The following POLA1 variants were observed in gnomAD, a reference collection of about 807,000 sequenced individuals.
POLA1 encodes the protein DNA polymerase alpha catalytic subunit.
POLA1 carries 15 observed loss-of-function variants against 124.0 expected under a neutral mutation model. The observed-to-expected ratio is 0.12, with a 90% CI of 0.08 to 0.19. POLA1 has a LOEUF of 0.19. POLA1 is among the 10% of genes least tolerant of loss of function. POLA1 has a pLI of 1.00. For synonymous variants in POLA1, 408 were observed against 389.4 expected, an observed-to-expected ratio of 1.05 and a Z score of -0.56; for missense variants, 886 against 1,103.4, an observed-to-expected ratio of 0.80 and a Z score of 2.79.
At chrX:24,981,021 C>T (rs1288171204) in intron 36 of POLA1, among the ~76,000 whole-genome samples, 1 of 111,988 alleles carries the variant, frequency 8.9e-6, no homozygotes, top group East Asian at 2.8e-4. Flanking sequence ...TTACTGTTAC[C>T]AGGGTCTTGC....
In POLA1 at chrX:24,992,215, G is replaced by A. The variant is rs766041452; in HGVS notation, c.4262-3590G>A. ...TCGGATGGCTCTACGTGTAGAGAGC[G>A]TAGAGGGGTGCAGTTTTCTTTCAAA... On this transcript the variant is annotated intron_variant, in intron 36 of 36. Transcript: ENST00000379068. Among the ~76,000 whole-genome samples, 10 of 111,341 alleles carry A rather than the reference G, an allele frequency of 9.0e-5. No individual in the cohort carries two copies. The South Asian group carries it at 1.2e-3, about 13-fold the overall frequency.
chrX:24,723,380 A>G (rs1930325931), intron 11 of POLA1, 113 bp downstream of exon 11: 1 of 492,547 alleles, frequency 2.0e-6, no homozygotes, highest in Non-Finnish European at 3.6e-6. Context: ...TACAATCCTG[A>G]TGCTTCTTTC....
intron 35 of POLA1, among the ~76,000 whole-genome samples, chrX:24,900,267 G>A (rs765855177): frequency 8.9e-6 from 1 of 112,068 alleles, no homozygotes; most frequent in South Asian, 3.7e-4. Context: ...ATTAAAAATA[G>A]CAAAACCACA....
chrX:24,829,141 A>G (rs946665030), intron 32 of POLA1, among the ~76,000 whole-genome samples: 9 of 110,823 alleles, frequency 8.1e-5, no homozygotes, highest in Admixed American at 6.7e-4. Context: ...TCCCACCCAT[A>G]TACCCATCAC....
chrX:24,829,424 C>T (rs1355375044), intron 32 of POLA1, among the ~76,000 whole-genome samples: 1 of 111,597 alleles, frequency 9.0e-6, no homozygotes, highest in Non-Finnish European at 1.9e-5. Context: ...TCTCATCCTA[C>T]CCTGTGCCTG....
At chrX:24,773,105 C>G (rs1259691079) in intron 26 of POLA1, among the ~76,000 whole-genome samples, 1 of 112,141 alleles carries the variant, frequency 8.9e-6, no homozygotes, top group African/African-American at 3.2e-5. Context: ...TTTGTTTTTC[C>G]ACCTTTGATA....
rs748314693 is a variant in POLA1 at position 24,843,688 on chromosome X, A to G, written c.4047+11A>G. Reference sequence around the variant, plus strand: ...AAAAAGTACTATGATGTAAGTATCCATAATGATATTCTTACATACACAACT... The same window carrying G: ...AAAAAGTACTATGATGTAAGTATCCGTAATGATATTCTTACATACACAACT... On this transcript the variant is annotated intron_variant, in intron 34 of 36. Transcript: ENST00000379068. 4.1e-5 allele frequency: 45 copies of G among 1,105,861 alleles called. 1 individual carries two copies. The South Asian group carries it at 7.8e-4, about 19-fold the overall frequency. The allele number at this position is 1,105,861 out of a possible 1,213,427, so 91.1% of individuals were successfully genotyped here.
chrX:24,982,733 A>G (rs948265462), intron 36 of POLA1, among the ~76,000 whole-genome samples: 2 of 109,914 alleles, frequency 1.8e-5, no homozygotes, highest in Non-Finnish European at 3.8e-5. Flanking sequence ...TCTTCTCTCC[A>G]TCTCAAGTCC....
chrX:24,772,682 G>A (rs2047871435), intron 26 of POLA1, among the ~76,000 whole-genome samples: 2 of 111,110 alleles, frequency 1.8e-5, no homozygotes. Flanking sequence ...TAGGGATAAT[G>A]GCCTCCAGCT....
intron 34 of POLA1, among the ~76,000 whole-genome samples, chrX:24,873,050 G>C (rs1381608523): frequency 9.0e-6 from 1 of 110,896 alleles, no homozygotes; most frequent in Non-Finnish European, 1.9e-5. Context: ...TCATCACCCA[G>C]AGTCCATAGT....
At chrX:24,987,704 G>T (rs1363788091) in intron 36 of POLA1, among the ~76,000 whole-genome samples, 1 of 111,553 alleles carries the variant, frequency 9.0e-6, no homozygotes, top group African/African-American at 3.3e-5. Flanking sequence ...TTCCCTACCC[G>T]CAAACAAATA....
intron 34 of POLA1, among the ~76,000 whole-genome samples, chrX:24,856,843 T>C (rs752018971): frequency 9.0e-6 from 1 of 110,937 alleles, no homozygotes; most frequent in South Asian, 3.8e-4. Context: ...AATTGGATTT[T>C]TTTTTTTTAT....
At chrX:24,982,133 T>C (rs1296043079) in intron 36 of POLA1, among the ~76,000 whole-genome samples, 1 of 109,811 alleles carries the variant, frequency 9.1e-6, no homozygotes, top group Admixed American at 9.8e-5. Flanking sequence ...AGCAGCGAAT[T>C]GCTTTTAAAG....
At chrX:24,924,360 T>G (rs1029751602) in intron 35 of POLA1, among the ~76,000 whole-genome samples, 1 of 111,960 alleles carries the variant, frequency 8.9e-6, no homozygotes, top group Non-Finnish European at 1.9e-5. Flanking sequence ...CCCAAGCCTT[T>G]AGTGGTAGAA....
At chrX:24,877,604 A>G (rs749066307) in intron 34 of POLA1, among the ~76,000 whole-genome samples, 1 of 111,883 alleles carries the variant, frequency 8.9e-6, no homozygotes, top group South Asian at 3.7e-4. Context: ...CACCATGATG[A>G]TTTGTGCTAA....
intron 26 of POLA1, among the ~76,000 whole-genome samples, chrX:24,792,784 C>T (rs1210817112): frequency 8.9e-6 from 1 of 111,891 alleles, no homozygotes; most frequent in Non-Finnish European, 1.9e-5. Flanking sequence ...GGAAATATAA[C>T]TATGTAAATT....
At chrX:24,782,480 T>C (rs2045285282) in intron 26 of POLA1, among the ~76,000 whole-genome samples, 1 of 112,168 alleles carries the variant, frequency 8.9e-6, no homozygotes. Context: ...TTCCTAAGAT[T>C]AAACTTAGAT....
intron 26 of POLA1, among the ~76,000 whole-genome samples, chrX:24,791,663 C>T (rs1490783271): frequency 8.9e-6 from 1 of 112,367 alleles, no homozygotes; most frequent in South Asian, 3.7e-4. Flanking sequence ...GGATTACAGG[C>T]GTGAGCCACC....
chrX:24,871,639 ACAGACC>A (rs2046865894), intron 34 of POLA1, among the ~76,000 whole-genome samples: 1 of 110,520 alleles, frequency 9.0e-6, no homozygotes, highest in Non-Finnish European at 1.9e-5. Context: ...TCACACTTGA[ACAGACC>A]TTACAGTCAT....
Sources: gnomAD v4.1 joint callset for allele counts (sites outside exome capture counted in the v4.1 genomes callset) on GRCh38, gnomAD v4.1.1 for gene constraint, MANE v1.5 for transcripts, NCBI Gene and HGNC (gene_info 2026-07-23, HGNC 2026-07-21) for gene names.